The following MEF2C variants were observed in gnomAD, a reference collection of about 807,000 sequenced individuals.
The protein encoded by MEF2C is myocyte enhancer factor 2C.
In MEF2C, 6 loss-of-function variants were observed where a neutral mutation model predicts 50.5. The observed-to-expected ratio is 0.12, with a 90% CI of 0.07 to 0.23. The LOEUF is 0.23. Among genes scored for constraint, MEF2C ranks in the 10% least tolerant of loss-of-function variants. The pLI is 1.00. For missense variants in MEF2C, 276 were observed against 605.0 expected (o/e 0.46, Z 5.70); for synonymous variants, 183 against 228.0 (o/e 0.80, Z 1.78).
At chr5:88,733,360 T>C (rs1762498022) in intron 6 of MEF2C, 4 of 985,168 alleles carry the variant, frequency 4.1e-6, no homozygotes, top group Middle Eastern at 5.2e-4. Context: ...GGTTGGGCTG[T>C]GGAGATCTCA....
intron 3 of MEF2C, among the ~76,000 whole-genome samples, chr5:88,798,762 C>T (rs1316454359): frequency 1.3e-5 from 2 of 152,056 alleles, no homozygotes; most frequent in East Asian, 1.9e-4. Context: ...ACTGGTTTTT[C>T]CTCATCTTCA....
At chr5:88,789,080 GA>G (rs1792461180) in intron 3 of MEF2C, among the ~76,000 whole-genome samples, 1 of 151,416 alleles carries the variant, frequency 6.6e-6, no homozygotes, top group Non-Finnish European at 1.5e-5. Context: ...TTTTATTTTT[GA>G]AAAATAAAGT....
At chr5:88,856,752 C>CAGGAAGTG (rs1823556719) in intron 1 of MEF2C, among the ~76,000 whole-genome samples, 2 of 152,198 alleles carry the variant, frequency 1.3e-5, no homozygotes, top group African/African-American at 4.8e-5. Context: ...ACACAGAAGT[C>CAGGAAGTG]AGGACGTGAG....
At chr5:88,782,800 A>T (rs1286251360) in intron 3 of MEF2C, among the ~76,000 whole-genome samples, 1 of 152,200 alleles carries the variant, frequency 6.6e-6, no homozygotes, top group East Asian at 1.9e-4. Context: ...AATTGTCATT[A>T]TGCTAATTTA....
Position 88,860,833 on chromosome 5 carries a change from T to C in MEF2C, c.-143+22122A>G, listed in dbSNP as rs544139801. 4.6e-5 allele frequency among the ~76,000 whole-genome samples: 7 copies of C among 152,362 alleles called. No homozygotes were observed. In the South Asian group the frequency reaches 1.2e-3, roughly 27 times the overall value. ...AAAAAAAATGTTCTTCAAGGGATTCTCTTTCCTTTCTTAAGGAAATTTAGA... is the reference window on the plus strand; with the variant it reads ...AAAAAAAATGTTCTTCAAGGGATTCCCTTTCCTTTCTTAAGGAAATTTAGA... On this transcript the variant is annotated intron_variant, in intron 1 of 10. Transcript: ENST00000504921.
chr5:88,743,152 A>C, intron 6 of MEF2C: 1 of 918,440 alleles, frequency 1.1e-6, no homozygotes. Flanking sequence ...AAAATAATAT[A>C]AAAATTATAT....
chr5:88,831,615 T>C (rs766320822), intron 1 of MEF2C, among the ~76,000 whole-genome samples: 43 of 152,082 alleles, frequency 2.8e-4, no homozygotes, highest in Non-Finnish European at 6.2e-4. Flanking sequence ...CATTTATTTT[T>C]ATCTCTAAAC....
chr5:88,884,151 G>T (rs1197197399), upstream of MEF2C, among the ~76,000 whole-genome samples: 4 of 152,198 alleles, frequency 2.6e-5, no homozygotes, highest in Non-Finnish European at 5.9e-5. Context: ...CGGCGCGCTC[G>T]CTTGCTCTCC....
At chr5:88,883,884 T>C (rs1228372539), upstream of MEF2C, 1 of 152,218 alleles carries the variant, frequency 6.6e-6, no homozygotes, top group Non-Finnish European at 1.5e-5. Context: ...ATGTATATGG[T>C]ATGCAGAATA....
At chr5:88,799,020 G>A (rs906897913) in intron 3 of MEF2C, among the ~76,000 whole-genome samples, 12 of 152,160 alleles carry the variant, frequency 7.9e-5, no homozygotes, top group African/African-American at 1.7e-4. Flanking sequence ...TGGAAGCTTC[G>A]TCCCAGAGTG....
At chr5:88,754,936 G>A (rs768017500) in intron 4 of MEF2C, among the ~76,000 whole-genome samples, 1 of 151,968 alleles carries the variant, frequency 6.6e-6, no homozygotes, top group African/African-American at 2.4e-5. Flanking sequence ...TTTCCATGAC[G>A]AACTGCATCA....
intron 1 of MEF2C, among the ~76,000 whole-genome samples, chr5:88,874,387 T>C (rs994904332): frequency 1.3e-5 from 2 of 151,912 alleles, no homozygotes; most frequent in Non-Finnish European, 2.9e-5. Context: ...AATAGAAGCA[T>C]AGTTTTAATT....
intron 2 of MEF2C, among the ~76,000 whole-genome samples, chr5:88,809,020 T>C (rs908249914): frequency 6.6e-6 from 1 of 152,138 alleles, no homozygotes; most frequent in African/African-American, 2.4e-5. Context: ...GTTATCAAAT[T>C]AAAGAGACTT....
intron 5 of MEF2C, chr5:88,751,192 A>T (rs1772546979): frequency 1.0e-6 from 1 of 977,830 alleles, no homozygotes; most frequent in Non-Finnish European, 1.2e-6. Context: ...AGTACTAAGA[A>T]TGGATGAACT....
intron 1 of MEF2C, among the ~76,000 whole-genome samples, chr5:88,854,925 G>A (rs888619954): frequency 1.2e-4 from 18 of 152,106 alleles, no homozygotes; most frequent in African/African-American, 3.6e-4. Flanking sequence ...TTGTGCTTCC[G>A]AGAACTGAGA....
At chr5:88,806,867 G>A (rs372777393) in intron 2 of MEF2C, among the ~76,000 whole-genome samples, 6 of 152,042 alleles carry the variant, frequency 3.9e-5, no homozygotes, top group African/African-American at 9.7e-5. Flanking sequence ...GGTATATGCC[G>A]TTTTTATTTT....
At chr5:88,870,166 T>C (rs1011903346) in intron 1 of MEF2C, among the ~76,000 whole-genome samples, 1 of 152,072 alleles carries the variant, frequency 6.6e-6, no homozygotes, top group African/African-American at 2.4e-5. Flanking sequence ...AACAATCCTA[T>C]AAAAATTTAC....
intron 6 of MEF2C, 62 bp downstream of exon 6, chr5:88,749,008 A>G (rs1771299058): frequency 6.4e-7 from 1 of 1,550,560 alleles, no homozygotes; most frequent in African/African-American, 1.4e-5. Context: ...TTTGTCCTGC[A>G]AATCACCTAG....
At chr5:88,814,877 T>C (rs1169640161) in intron 2 of MEF2C, among the ~76,000 whole-genome samples, 2 of 152,118 alleles carry the variant, frequency 1.3e-5, no homozygotes. Flanking sequence ...TGACCGAAAA[T>C]TGTTAACTTG....
Sources: allele counts gnomAD v4.1 joint callset (sites outside exome capture counted in the v4.1 genomes callset), GRCh38; gene constraint gnomAD v4.1.1; transcripts MANE v1.5; gene names NCBI Gene and HGNC (gene_info 2026-07-23, HGNC 2026-07-21).